TNKS2: variants seen among roughly 807,000 people sequenced by gnomAD.
TNKS2 encodes poly [ADP-ribose] polymerase tankyrase-2.
In TNKS2, 72 loss-of-function variants were observed where a neutral mutation model predicts 137.6. That is an observed-to-expected ratio of 0.52 (90% CI 0.43 to 0.64). TNKS2 has a LOEUF of 0.64. Ranked by LOEUF, TNKS2 falls within the 30% of genes least tolerant of loss-of-function variation. TNKS2 has a pLI of 0.00. For missense variants in TNKS2, 1,049 were observed against 1,410.2 expected (o/e 0.74, Z 4.10); for synonymous variants, 516 against 512.1 (o/e 1.01, Z -0.10).
In TNKS2 at chr10:91,819,292, CT is replaced by C; in HGVS notation, c.545del (p.Leu182Ter). On this transcript the variant is annotated frameshift_variant, in exon 4 of 27. Coordinates refer to ENST00000371627, the MANE Select transcript of TNKS2 (RefSeq NM_025235.4). LOFTEE classifies it high-confidence loss of function. ...LTGEYKKDEL[L>X]ESARSGNEEK... ...CAGGTGAATATAAGAAAGATGAACT[CT>C]TAGAAAGTGCCAGGTACGTACTAAT... 1 of 1,446,104 alleles carries C rather than the reference CT, an allele frequency of 6.9e-7. No homozygotes were observed. The highest frequency in any genetic ancestry group is 9.1e-7 in the Non-Finnish European group (1 of 1,093,506). 89.6% of individuals were successfully genotyped at this position (1,446,104 alleles called of 1,614,324 possible).
chr10:91,854,929 A>AT, intron 21 of TNKS2, 100 bp from the exon 22 acceptor site: 1 of 633,986 alleles, frequency 1.6e-6, no homozygotes, highest in Non-Finnish European at 2.7e-6. Flanking sequence ...AAAAAAAAAA[A>AT]TTGGTAGTAA....
chr10:91,814,100 C>A (rs1018189161), intron 2 of TNKS2, among the ~76,000 whole-genome samples: 37 of 151,940 alleles, frequency 2.4e-4, no homozygotes, highest in Admixed American at 2.4e-3. Context: ...CAGAAGAAGA[C>A]ATTATTATAG....
intron 1 of TNKS2, among the ~76,000 whole-genome samples, chr10:91,799,701 G>A (rs1844098482): frequency 6.6e-6 from 1 of 152,208 alleles, no homozygotes; most frequent in Non-Finnish European, 1.5e-5. Flanking sequence ...ATTTAAAAGA[G>A]CCATAGATGG....
intron 25 of TNKS2, among the ~76,000 whole-genome samples, chr10:91,860,775 G>T (rs1001697161): frequency 6.6e-6 from 1 of 152,066 alleles, no homozygotes; most frequent in African/African-American, 2.4e-5. Context: ...CTAAATTTAG[G>T]CCTGCATAGG....
intron 18 of TNKS2, 133 bp downstream of exon 18, chr10:91,846,073 G>A: frequency 3.8e-6 from 2 of 524,026 alleles, no homozygotes; most frequent in Non-Finnish European, 6.3e-6. Context: ...TAATGTAAGA[G>A]TTCTTTAGTA....
rs1842179827 is a variant in TNKS2 at position 91,840,554 on chromosome 10, C to T, written c.1528-7C>T. On this transcript the variant is annotated splice_region_variant and splice_polypyrimidine_tract_variant and intron_variant, in intron 13 of 26. Transcript: ENST00000371627. Reference sequence around the variant, plus strand: ...TAGTATCATGTATGTTGTGTTTTGTCCTTCAGAAACTGTGTACTGTTCAGA... The same window carrying T: ...TAGTATCATGTATGTTGTGTTTTGTTCTTCAGAAACTGTGTACTGTTCAGA... The T allele has an allele frequency of 6.2e-7, 1 of 1,609,648 alleles. No homozygotes were observed.
intron 16 of TNKS2, 31 bp downstream of exon 16, chr10:91,842,422 T>A (rs1842236834): frequency 6.3e-7 from 1 of 1,576,310 alleles, no homozygotes; most frequent in African/African-American, 1.4e-5. Flanking sequence ...AGATTTAGGC[T>A]GGTAATATCT....
At chr10:91,834,854 A>C (rs530517475) in intron 12 of TNKS2, among the ~76,000 whole-genome samples, 6 of 152,344 alleles carry the variant, frequency 3.9e-5, no homozygotes, top group African/African-American at 1.4e-4. Context: ...CTAGTGATAG[A>C]ATGTAAAGTC....
intron 5 of TNKS2, 58 bp from the exon 6 acceptor site, chr10:91,819,881 C>T: frequency 3.0e-6 from 4 of 1,353,540 alleles, no homozygotes; most frequent in South Asian, 2.9e-5. Context: ...TTTTCCCTCT[C>T]ACACATTTTA....
Position 91,819,514 on chromosome 10 carries a change from TCA to T in TNKS2, c.594_595del (p.Pro199IlefsTer9), listed in dbSNP as rs759298659. The T allele has an allele frequency of 1.3e-6, 2 of 1,596,822 alleles. No homozygotes were observed. Among genetic ancestry groups the T allele is most frequent in the Non-Finnish European group, 1.7e-6 (2 of 1,175,606 alleles). On this transcript the variant is annotated frameshift_variant, in exon 5 of 27. Transcript: ENST00000371627. LOFTEE classifies it high-confidence loss of function. ...AATGAAGAAAAAATGATGGCTCTAC[TCA>T]CACCATTAAATGTCAACTGCCACGC...
intron 24 of TNKS2, among the ~76,000 whole-genome samples, chr10:91,858,539 G>GT (rs1267459997): frequency 1.3e-5 from 2 of 152,190 alleles, no homozygotes; most frequent in African/African-American, 2.4e-5. Flanking sequence ...ATTAGCTGTG[G>GT]TTTTTTGACT....
intron 6 of TNKS2, 87 bp from the exon 7 acceptor site, chr10:91,822,209 A>G (rs1398439178): frequency 3.0e-6 from 3 of 1,010,776 alleles, no homozygotes; most frequent in Non-Finnish European, 4.4e-6. Context: ...TTTAAGTATA[A>G]GTAATTAAAT....
chr10:91,833,795 T>G, intron 11 of TNKS2, 58 bp from the exon 12 acceptor site: 1 of 1,366,810 alleles, frequency 7.3e-7, no homozygotes, highest in African/African-American at 1.5e-5. Flanking sequence ...AAATACATGA[T>G]TGTATGGTTT....
At chr10:91,799,772 G>C (rs1338386040) in intron 1 of TNKS2, among the ~76,000 whole-genome samples, 7 of 152,182 alleles carry the variant, frequency 4.6e-5, no homozygotes, top group Non-Finnish European at 8.8e-5. Context: ...GATGATGACT[G>C]TTTCTAACTT....
At position 91,842,196 on chromosome 10, in the gene TNKS2, A is replaced by G. The variant is rs755168484; in HGVS notation, c.1864A>G (p.Asn622Asp). 8.1e-6 allele frequency: 13 copies of G among 1,613,800 alleles called. No individual in the cohort carries two copies. Among genetic ancestry groups the G allele is most frequent in the African/African-American group, 1.3e-5 (1 of 74,920 alleles). Residue 622 changes from asparagine to aspartate, a missense_variant, in exon 16 of 27, where the codon AAC becomes GAC. Coordinates refer to ENST00000371627, the MANE Select transcript of TNKS2 (RefSeq NM_025235.4). ...GCATGGTGCAGACCCTACAAAAAAA[A>G]ACAGGGATGGAAATACTCCTTTGGA... ...LQHGADPTKK[N>D]RDGNTPLDLV...
chr10:91,849,641 C>A, intron 20 of TNKS2, 47 bp downstream of exon 20: 1 of 1,479,790 alleles, frequency 6.8e-7, no homozygotes, highest in South Asian at 1.3e-5. Context: ...TATGGAAACT[C>A]AAGGAAAATT....
intron 11 of TNKS2, among the ~76,000 whole-genome samples, chr10:91,833,106 G>A (rs1228110912): frequency 3.3e-5 from 5 of 152,106 alleles, no homozygotes; most frequent in Admixed American, 2.0e-4. Flanking sequence ...GATATTTGCT[G>A]AATTTTGACT....
At chr10:91,859,099 A>G (rs1042813249) in intron 24 of TNKS2, among the ~76,000 whole-genome samples, 11 of 152,094 alleles carry the variant, frequency 7.2e-5, no homozygotes, top group African/African-American at 2.7e-4. Flanking sequence ...TCATTCTAAG[A>G]CCTAATTGCA....
chr10:91,807,502 T>A, intron 1 of TNKS2: 1 of 1,477,140 alleles, frequency 6.8e-7, no homozygotes, highest in African/African-American at 1.4e-5. Context: ...ACAAACTACC[T>A]ACGTCCGGGA....
Sources: allele counts gnomAD v4.1 joint callset (sites outside exome capture counted in the v4.1 genomes callset), GRCh38; gene constraint gnomAD v4.1.1; transcripts MANE v1.5; gene names NCBI Gene and HGNC (gene_info 2026-07-23, HGNC 2026-07-21).